TRPC5: variants seen among roughly 807,000 people sequenced by gnomAD.
The protein encoded by TRPC5 is short transient receptor potential channel 5.
A neutral mutation model predicts 56.5 loss-of-function variants in TRPC5; 9 were observed. The ratio of observed to expected loss-of-function variants is 0.16; its 90% CI spans 0.10 to 0.28. The LOEUF (loss-of-function observed/expected upper bound fraction) is 0.28. TRPC5 is among the 10% of genes least tolerant of loss of function. The probability of loss-of-function intolerance (pLI) is 1.00; values close to 1 mark genes in which losing one functional copy is unlikely to be tolerated. For synonymous variants in TRPC5, 282 were observed against 278.5 expected (o/e 1.01, Z -0.13); for missense variants, 469 against 748.9 (o/e 0.63, Z 4.36).
In TRPC5 at chrX:111,950,151, T is replaced by C. The variant is rs764305235; in HGVS notation, c.378+1892A>G. Among the ~76,000 whole-genome samples, 251 of 110,682 alleles carry C rather than the reference T, an allele frequency of 2.3e-3. 2 individuals carry two copies. The highest frequency in any genetic ancestry group is 0.01 in the South Asian group (26 of 2,578). On this transcript the variant is annotated intron_variant, in intron 2 of 10. Transcript: ENST00000262839. Reference sequence around the variant, plus strand: ...CATCCTGGCTAACACAGTGAAACCCTGTCTCTACTACAAATACAAAAAAAT... The same window carrying C: ...CATCCTGGCTAACACAGTGAAACCCCGTCTCTACTACAAATACAAAAAAAT...
intron 1 of TRPC5, among the ~76,000 whole-genome samples, chrX:112,002,073 G>C (rs1358705119): frequency 2.7e-5 from 3 of 110,007 alleles, no homozygotes; most frequent in Non-Finnish European, 5.7e-5. Flanking sequence ...TTTATACCCT[G>C]CAACCTGCTC....
At chrX:111,908,160 A>G (rs113716219) in intron 3 of TRPC5, among the ~76,000 whole-genome samples, 2 of 111,684 alleles carry the variant, frequency 1.8e-5, no homozygotes, top group African/African-American at 6.5e-5. Flanking sequence ...ATTTTTAAAA[A>G]ACTCTAATTC....
chrX:112,036,961 A>G (rs748286904), intron 1 of TRPC5, among the ~76,000 whole-genome samples: 1 of 111,658 alleles, frequency 9.0e-6, no homozygotes, highest in Non-Finnish European at 1.9e-5. Context: ...GTAGTGAGAA[A>G]GACTCTACTA....
At chrX:111,809,882 GT>G (rs768396316) in intron 7 of TRPC5, among the ~76,000 whole-genome samples, 73 of 99,062 alleles carry the variant, frequency 7.4e-4, no homozygotes, top group Admixed American at 2.3e-3. Flanking sequence ...TCTTCATTTT[GT>G]TTTTTTTTTT....
chrX:111,852,280 G>A lies in TRPC5; in HGVS notation c.1377+18C>T, dbSNP rs774465131. The A allele has an allele frequency of 8.3e-7, 1 of 1,201,920 alleles. No individual in the cohort carries two copies. Among genetic ancestry groups the A allele is most frequent in the Non-Finnish European group, 1.1e-6 (1 of 890,507 alleles). ...CCAAAATCGCTGTGTAGGAAATATG[G>A]CAGACATTCCAATTTACCTTGACAT... On this transcript the variant is annotated intron_variant, in intron 5 of 10. Coordinates refer to ENST00000262839, the MANE Select transcript of TRPC5 (RefSeq NM_012471.3).
At chrX:112,007,784 GGACT>G (rs757591986) in intron 1 of TRPC5, among the ~76,000 whole-genome samples, 43 of 111,608 alleles carry the variant, frequency 3.9e-4, no homozygotes, top group African/African-American at 1.3e-3. Flanking sequence ...TCTGATAAAG[GGACT>G]GACTGGACCC....
At chrX:112,033,935 C>T (rs1929655718) in intron 1 of TRPC5, among the ~76,000 whole-genome samples, 1 of 111,573 alleles carries the variant, frequency 9.0e-6, no homozygotes, top group African/African-American at 3.3e-5. Context: ...AGCAATAGGC[C>T]ATTGATCTAT....
intron 1 of TRPC5, among the ~76,000 whole-genome samples, chrX:111,966,856 A>C (rs1927602192): frequency 8.9e-6 from 1 of 111,783 alleles, no homozygotes; most frequent in Admixed American, 9.5e-5. Context: ...ATCTGTGACA[A>C]ACCCGCAGCC....
chrX:111,956,625 A>G (rs957438051), intron 1 of TRPC5, among the ~76,000 whole-genome samples: 8 of 111,293 alleles, frequency 7.2e-5, no homozygotes, highest in Middle Eastern at 4.7e-3. Context: ...GGTCGTGGGA[A>G]AGTTATGGGG....
At chrX:111,987,269 C>T (rs908266479) in intron 1 of TRPC5, among the ~76,000 whole-genome samples, 4 of 111,757 alleles carry the variant, frequency 3.6e-5, no homozygotes, top group African/African-American at 1.3e-4. Context: ...TATACGTATA[C>T]ATAGTGAGGC....
At chrX:111,918,679 T>G (rs760855856) in intron 2 of TRPC5, among the ~76,000 whole-genome samples, 52 of 111,475 alleles carry the variant, frequency 4.7e-4, no homozygotes, top group Non-Finnish European at 7.0e-4. Context: ...GCTAAAAGTC[T>G]GGGAGGAAAT....
At chrX:111,790,790 G>A (rs935427648) in intron 7 of TRPC5, among the ~76,000 whole-genome samples, 2 of 110,288 alleles carry the variant, frequency 1.8e-5, no homozygotes, top group African/African-American at 6.6e-5. Flanking sequence ...GGAGGCCAAA[G>A]CTGGGGATCA....
In TRPC5 at chrX:111,889,290, G is replaced by T. The variant is rs780334774; in HGVS notation, c.900+23001C>A. Among the ~76,000 whole-genome samples the T allele has an allele frequency of 2.2e-4, 24 of 111,590 alleles. No homozygotes were observed. In the South Asian group the frequency reaches 5.7e-3, roughly 27 times the overall value. On this transcript the variant is annotated intron_variant, in intron 3 of 10. Transcript: ENST00000262839. ...CAGAAGTCATTGGTGACTTTAGCAA[G>T]GGTAGTAAGGTGGAGTGGCCATAAT...
intron 3 of TRPC5, chrX:111,902,149 A>C: frequency 8.7e-7 from 1 of 1,145,989 alleles, no homozygotes; most frequent in South Asian, 2.0e-5. Context: ...ATGAAGATAC[A>C]GTCTCTGGTA....
chrX:111,794,817 C>A (rs532637188), intron 7 of TRPC5, among the ~76,000 whole-genome samples: 2 of 111,513 alleles, frequency 1.8e-5, no homozygotes, highest in African/African-American at 6.5e-5. Flanking sequence ...CCCTTATAAT[C>A]TTACCATCTC....
chrX:111,907,830 C>T (rs1189207372), intron 3 of TRPC5, among the ~76,000 whole-genome samples: 1 of 110,052 alleles, frequency 9.1e-6, no homozygotes, highest in Non-Finnish European at 1.9e-5. Context: ...ATGCTTGTGG[C>T]CCTAAGCACT....
chrX:111,913,499 G>A (rs1278333701), intron 2 of TRPC5, among the ~76,000 whole-genome samples: 6 of 110,909 alleles, frequency 5.4e-5, no homozygotes, highest in African/African-American at 2.0e-4. Flanking sequence ...GGCTTGGGGA[G>A]GGGATACTGA....
chrX:111,873,413 G>C (rs1923821934), intron 3 of TRPC5, among the ~76,000 whole-genome samples: 1 of 111,369 alleles, frequency 9.0e-6, no homozygotes, highest in African/African-American at 3.3e-5. Context: ...TACTGCCTGG[G>C]TGATGGGATC....
chrX:111,948,507 G>A (rs185027643), intron 2 of TRPC5, among the ~76,000 whole-genome samples: 63 of 110,949 alleles, frequency 5.7e-4, no homozygotes, highest in Non-Finnish European at 8.9e-4. Context: ...TGAGGTGGGC[G>A]GATTGCCTGA....
Sources: allele counts gnomAD v4.1 joint callset (sites outside exome capture counted in the v4.1 genomes callset), GRCh38; gene constraint gnomAD v4.1.1; transcripts MANE v1.5; gene names NCBI Gene and HGNC (gene_info 2026-07-23, HGNC 2026-07-21).